Variants in PARD3 observed in about 807,000 individuals in gnomAD.
PARD3 encodes partitioning defective 3 homolog.
In PARD3, 75 loss-of-function variants were observed where a neutral mutation model predicts 155.4. The ratio of observed to expected loss-of-function variants is 0.48; its 90% CI spans 0.40 to 0.58. The LOEUF (loss-of-function observed/expected upper bound fraction) is 0.58, where lower values mean the gene tolerates loss of function less well. PARD3 is among the 20% of genes least tolerant of loss of function. PARD3 has a pLI of 0.00. For missense variants in PARD3, 1,642 were observed against 1,721.7 expected (o/e 0.95, Z 0.82); for synonymous variants, 576 against 610.5 (o/e 0.94, Z 0.83).
At chr10:34,665,473 T>C (rs1054030959) in intron 2 of PARD3, among the ~76,000 whole-genome samples, 2 of 151,492 alleles carry the variant, frequency 1.3e-5, no homozygotes, top group Non-Finnish European at 2.9e-5. Flanking sequence ...TGAGCTGAGA[T>C]TGTGCCGTTG....
At chr10:34,761,795 GA>G in intron 1 of PARD3, among the ~76,000 whole-genome samples, 1 of 152,128 alleles carries the variant, frequency 6.6e-6, no homozygotes, top group Non-Finnish European at 1.5e-5. Context: ...TTCTACTTAA[GA>G]AAACGATGAG....
At chr10:34,187,661 T>C (rs760545263) in intron 22 of PARD3, among the ~76,000 whole-genome samples, 6 of 152,246 alleles carry the variant, frequency 3.9e-5, no homozygotes, top group Non-Finnish European at 7.3e-5. Flanking sequence ...CTCCTTTCTG[T>C]GATTCAGATC....
At position 34,442,058 on chromosome 10, in the gene PARD3, T is replaced by C. The variant is rs2076492392; in HGVS notation, c.714+8259A>G. Among the ~76,000 whole-genome samples the C allele has an allele frequency of 1.3e-5, 2 of 152,224 alleles. 1 individual carries two copies. Among genetic ancestry groups the C allele is most frequent in the South Asian group, 4.1e-4 (2 of 4,834 alleles). On this transcript the variant is annotated intron_variant, in intron 5 of 24. Coordinates refer to ENST00000374788, the MANE Select transcript of PARD3 (RefSeq NM_001184785.2). ...GTGTTGCTAGAGATAAACACGACTA[T>C]TTTGCTTCTCTACAAATTTTATGAA...
intron 2 of PARD3, among the ~76,000 whole-genome samples, chr10:34,597,414 ATT>A (rs1186507457): frequency 6.6e-6 from 1 of 151,398 alleles, no homozygotes; most frequent in Non-Finnish European, 1.5e-5. Context: ...AACTTTTTAA[ATT>A]TTTATTTATT....
intron 22 of PARD3, among the ~76,000 whole-genome samples, chr10:34,227,856 TTATATA>T (rs55681930): frequency 2.1e-4 from 17 of 82,242 alleles, no homozygotes; most frequent in South Asian, 3.1e-4. Context: ...GAATTATTTT[TTATATA>T]TATATATATA....
chr10:34,760,860 T>C (rs1022661555), intron 1 of PARD3, among the ~76,000 whole-genome samples: 2 of 152,122 alleles, frequency 1.3e-5, no homozygotes, highest in Non-Finnish European at 2.9e-5. Context: ...CAGACAGCCG[T>C]GGAGATCCAA....
At chr10:34,767,152 C>T (rs1838204389) in intron 1 of PARD3, among the ~76,000 whole-genome samples, 1 of 152,122 alleles carries the variant, frequency 6.6e-6, no homozygotes. Context: ...ACTATGGGCC[C>T]AAGGCTGGGG....
chr10:34,467,582 T>TA (rs1450186414), intron 4 of PARD3, among the ~76,000 whole-genome samples: 3 of 151,820 alleles, frequency 2.0e-5, no homozygotes, highest in Non-Finnish European at 1.5e-5. Context: ...ACCCCGTTTC[T>TA]AAAAAAATTA....
At chr10:34,437,110 T>C (rs1211501313) in intron 5 of PARD3, among the ~76,000 whole-genome samples, 1 of 152,138 alleles carries the variant, frequency 6.6e-6, no homozygotes, top group Non-Finnish European at 1.5e-5. Context: ...AATCCCCCTA[T>C]AGTCTGAAGA....
intron 2 of PARD3, among the ~76,000 whole-genome samples, chr10:34,588,531 C>A (rs572642659): frequency 1.3e-5 from 2 of 152,320 alleles, no homozygotes; most frequent in East Asian, 3.9e-4. Context: ...CATGTACAAC[C>A]TCCATGTATG....
At chr10:34,116,212 T>G (rs1366692724) in intron 24 of PARD3, among the ~76,000 whole-genome samples, 1 of 152,158 alleles carries the variant, frequency 6.6e-6, no homozygotes, top group African/African-American at 2.4e-5. Context: ...CAGTTAGAAT[T>G]TACAAACCAC....
intron 2 of PARD3, 147 bp from the exon 3 acceptor site, chr10:34,517,306 A>G: frequency 1.5e-6 from 1 of 650,872 alleles, no homozygotes; most frequent in Non-Finnish European, 2.5e-6. Context: ...AAAACCTCAA[A>G]GAAACAGTGT....
chr10:34,727,833 C>G (rs553010727), intron 1 of PARD3, among the ~76,000 whole-genome samples: 5 of 143,198 alleles, frequency 3.5e-5, no homozygotes, highest in East Asian at 4.0e-4. Context: ...CACACACACA[C>G]GCACGCACGC....
At chr10:34,430,550 G>A (rs942175188) in intron 5 of PARD3, among the ~76,000 whole-genome samples, 1 of 152,202 alleles carries the variant, frequency 6.6e-6, no homozygotes, top group Admixed American at 6.5e-5. Flanking sequence ...GATTAATATT[G>A]AACCATATTA....
intron 3 of PARD3, among the ~76,000 whole-genome samples, chr10:34,483,661 G>GT (rs1472981868): frequency 1.3e-5 from 2 of 152,090 alleles, no homozygotes; most frequent in East Asian, 3.8e-4. Context: ...GGGATAGAAC[G>GT]TATCTTTCTT....
At chr10:34,717,485 T>C (rs779828067) in intron 1 of PARD3, among the ~76,000 whole-genome samples, 2 of 152,172 alleles carry the variant, frequency 1.3e-5, no homozygotes, top group Admixed American at 6.5e-5. Flanking sequence ...TTTATAAGCA[T>C]GTTCCCCTGC....
At chr10:34,748,106 T>C (rs1362620239) in intron 1 of PARD3, among the ~76,000 whole-genome samples, 1 of 152,126 alleles carries the variant, frequency 6.6e-6, no homozygotes, top group Non-Finnish European at 1.5e-5. Flanking sequence ...GGTGTCTAGG[T>C]CAGCCAGCCA....
At chr10:34,693,968 T>G (rs1463782325) in intron 2 of PARD3, among the ~76,000 whole-genome samples, 1 of 152,152 alleles carries the variant, frequency 6.6e-6, no homozygotes. Flanking sequence ...TCTATCTATC[T>G]GAAGAAAGGG....
chr10:34,127,440 T>C (rs1016565735), intron 23 of PARD3, among the ~76,000 whole-genome samples: 3 of 152,198 alleles, frequency 2.0e-5, no homozygotes, highest in East Asian at 1.9e-4. Flanking sequence ...TGCACACCCC[T>C]AGCCTACCTC....
Sources: gnomAD v4.1 joint callset for allele counts (sites outside exome capture counted in the v4.1 genomes callset) on GRCh38, gnomAD v4.1.1 for gene constraint, MANE v1.5 for transcripts, NCBI Gene and HGNC (gene_info 2026-07-23, HGNC 2026-07-21) for gene names.